CARF: variants seen among roughly 807,000 people sequenced by gnomAD.
CARF encodes the protein calcium-responsive transcription factor.
A neutral mutation model predicts 82.0 loss-of-function variants in CARF; 57 were observed. That is an observed-to-expected ratio of 0.70 (90% CI 0.56 to 0.87). The LOEUF (loss-of-function observed/expected upper bound fraction) is 0.87. CARF is among the 40% of genes least tolerant of loss of function. The pLI is 0.00. For missense variants in CARF, 771 were observed against 855.8 expected (o/e 0.90, Z 1.24); for synonymous variants, 268 against 290.1 (o/e 0.92, Z 0.77).
At chr2:202,927,459 A>G (rs1692066302) in intron 3 of CARF, among the ~76,000 whole-genome samples, 1 of 152,162 alleles carries the variant, frequency 6.6e-6, no homozygotes, top group Non-Finnish European at 1.5e-5. Context: ...TGTATTACTC[A>G]TATACTTTTT....
At chr2:202,971,864 T>C (rs1343054176) in intron 12 of CARF, 126 bp downstream of exon 12, 1 of 544,814 alleles carries the variant, frequency 1.8e-6, no homozygotes, top group Non-Finnish European at 3.2e-6. Flanking sequence ...TATAGTTTAT[T>C]AATTTATTAA....
At chr2:202,934,442 T>C (rs1227113120) in intron 3 of CARF, 1 of 152,152 alleles carries the variant, frequency 6.6e-6, no homozygotes, top group East Asian at 1.9e-4. Flanking sequence ...TTTTTAAAAG[T>C]TGGTTTTTCT....
At chr2:202,929,017 A>G (rs1452675253) in intron 3 of CARF, among the ~76,000 whole-genome samples, 1 of 117,752 alleles carries the variant, frequency 8.5e-6, no homozygotes, top group Non-Finnish European at 2.1e-5. Context: ...GGTGTGAGCC[A>G]TCACGCCTGG....
At chr2:202,914,068 G>A (rs1184751055) in intron 1 of CARF, among the ~76,000 whole-genome samples, 1 of 151,972 alleles carries the variant, frequency 6.6e-6, no homozygotes, top group Non-Finnish European at 1.5e-5. Flanking sequence ...TTTATGTGTC[G>A]TGTTTGGTGT....
chr2:202,982,496 A>G, intron 16 of CARF, 55 bp downstream of exon 16: 1 of 1,554,710 alleles, frequency 6.4e-7, no homozygotes. Context: ...GATTATCATC[A>G]CTATATTATA....
At chr2:202,934,943 G>C (rs1693624806) in intron 3 of CARF, among the ~76,000 whole-genome samples, 2 of 151,414 alleles carry the variant, frequency 1.3e-5, no homozygotes, top group Non-Finnish European at 2.9e-5. Context: ...TGGGCATGGT[G>C]GTGTGCGCCA....
intron 8 of CARF, among the ~76,000 whole-genome samples, chr2:202,960,126 G>C (rs1401640520): frequency 6.6e-6 from 1 of 152,164 alleles, no homozygotes; most frequent in Non-Finnish European, 1.5e-5. Context: ...CTTTTCAAAA[G>C]GGGAAGCATA....
rs538773035 is a variant in CARF, at chr2:202,916,937, G to A, written c.-329-940G>A. Reference sequence around the variant, plus strand: ...AATAAAAACGCTGAGCTCGCCGGGCGCGGTGGCTCACGCCTGTAATCCCAG... The same window carrying A: ...AATAAAAACGCTGAGCTCGCCGGGCACGGTGGCTCACGCCTGTAATCCCAG... On this transcript the variant is annotated intron_variant, in intron 1 of 16. Coordinates refer to ENST00000438828, the MANE Select transcript of CARF (RefSeq NM_024744.17). Among the ~76,000 whole-genome samples, 35 of 152,124 alleles carry A rather than the reference G, an allele frequency of 2.3e-4. No homozygotes were observed. In the South Asian group the frequency reaches 6.6e-3, roughly 29 times the overall value.
At chr2:202,980,820 T>G (rs1291521126) in intron 14 of CARF, among the ~76,000 whole-genome samples, 1 of 151,438 alleles carries the variant, frequency 6.6e-6, no homozygotes, top group African/African-American at 2.4e-5. Flanking sequence ...CTACATTGTA[T>G]TGTGTATTAT....
At chr2:202,940,527 A>T (rs2058179905) in intron 3 of CARF, among the ~76,000 whole-genome samples, 1 of 151,952 alleles carries the variant, frequency 6.6e-6, no homozygotes, top group African/African-American at 2.4e-5. Flanking sequence ...TTTGATTGTT[A>T]GCTTATATTT....
intron 4 of CARF, 38 bp from the exon 5 acceptor site, chr2:202,942,702 G>A (rs917015368): frequency 7.0e-7 from 1 of 1,426,004 alleles, no homozygotes; most frequent in Admixed American, 2.3e-5. Flanking sequence ...AAAAAAAATG[G>A]TGATAGACTG....
At position 202,985,186 on chromosome 2, in the gene CARF, G is replaced by A. The variant is rs2060394851; in HGVS notation, c.*1562G>A. 6.6e-6 allele frequency: 1 copy of A among 152,006 alleles called. No homozygotes were observed. Among genetic ancestry groups the A allele is most frequent in the South Asian group, 2.1e-4 (1 of 4,818 alleles). 9.4% of individuals were successfully genotyped at this position (152,006 alleles called of 1,614,324 possible). On this transcript the variant is annotated 3_prime_UTR_variant, in exon 17 of 17. Transcript: ENST00000438828. ...TATTTTAAAAATAAAGATTTTAAAT[G>A]GATATCAATGTTTAATATTCAAAAC...
Position 202,942,728 on chromosome 2 carries a change from TCC to T in CARF, c.79-11_79-10del, listed in dbSNP as rs1553559275. ...TGATAGACTGAAGTGATTTTTTTTT[TCC>T]TTACAAAAGCATCTAATCTGTATGG... On this transcript the variant is annotated splice_polypyrimidine_tract_variant and intron_variant, in intron 4 of 16. Transcript: ENST00000438828. 4 of 1,548,492 alleles carry T rather than the reference TCC, an allele frequency of 2.6e-6. No homozygotes were observed. Among genetic ancestry groups the T allele is most frequent in the Admixed American group, 4.2e-5 (2 of 47,852 alleles).
chr2:202,915,686 T>C (rs1220665825), intron 1 of CARF, among the ~76,000 whole-genome samples: 3 of 152,028 alleles, frequency 2.0e-5, no homozygotes, highest in Admixed American at 2.0e-4. Context: ...GCCAGGATGG[T>C]CTCAATCTCC....
At chr2:202,938,669 T>G (rs994818238) in intron 3 of CARF, among the ~76,000 whole-genome samples, 1 of 146,842 alleles carries the variant, frequency 6.8e-6, no homozygotes, top group Non-Finnish European at 1.5e-5. Context: ...GTTTTTTTTT[T>G]GTTTTTGGTT....
intron 6 of CARF, 104 bp downstream of exon 6, chr2:202,952,783 T>A: frequency 8.8e-7 from 1 of 1,140,570 alleles, no homozygotes; most frequent in Non-Finnish European, 1.2e-6. Context: ...TTTCTTTAGG[T>A]AAAAGATTAT....
chr2:202,922,088 C>A (rs76631649), intron 2 of CARF, among the ~76,000 whole-genome samples: 5,904 of 151,948 alleles, frequency 0.039, 374 homozygotes, highest in African/African-American at 0.13. Context: ...CTTGACTTCC[C>A]AAAGTGCTAA....
chr2:202,975,446 A>C (rs1299570708), intron 13 of CARF, among the ~76,000 whole-genome samples: 2 of 151,952 alleles, frequency 1.3e-5, no homozygotes, highest in East Asian at 1.9e-4. Context: ...TCCGTCTAAA[A>C]AAAGAAAAAA....
Position 202,946,961 on chromosome 2 carries a change from A to G in CARF, c.306+3994A>G, listed in dbSNP as rs189420874. Among the ~76,000 whole-genome samples, 28 of 152,348 alleles carry G rather than the reference A, an allele frequency of 1.8e-4. No homozygotes were observed. In the East Asian group the frequency reaches 5.4e-3, roughly 29 times the overall value. On this transcript the variant is annotated intron_variant, in intron 5 of 16. Transcript: ENST00000438828. Reference sequence around the variant, plus strand: ...ACGCCGGTTAGAATGGCGATTATTAAGAAGTCTGGAAACAACAGATGCTGG... The same window carrying G: ...ACGCCGGTTAGAATGGCGATTATTAGGAAGTCTGGAAACAACAGATGCTGG...
Sources: gnomAD v4.1 joint callset for allele counts (sites outside exome capture counted in the v4.1 genomes callset) on GRCh38, gnomAD v4.1.1 for gene constraint, MANE v1.5 for transcripts, NCBI Gene and HGNC (gene_info 2026-07-23, HGNC 2026-07-21) for gene names.